Variants in FBRSL1 observed in about 807,000 individuals in gnomAD.
FBRSL1 encodes the protein fibrosin like 1.
In FBRSL1, 51 loss-of-function variants were observed where a neutral mutation model predicts 89.6. That is an observed-to-expected ratio of 0.57 (90% CI 0.45 to 0.72). FBRSL1 has a LOEUF of 0.72. Ranked by LOEUF, FBRSL1 falls within the 30% of genes least tolerant of loss-of-function variation. FBRSL1 has a pLI of 0.00. For missense variants in FBRSL1, 1,618 were observed against 1,451.8 expected, an observed-to-expected ratio of 1.11 and a Z score of -1.86; for synonymous variants, 779 against 681.1, an observed-to-expected ratio of 1.14 and a Z score of -2.24.
intron 2 of FBRSL1, among the ~76,000 whole-genome samples, chr12:132,514,366 A>T (rs1466160905): frequency 6.6e-6 from 1 of 152,156 alleles, no homozygotes; most frequent in Non-Finnish European, 1.5e-5. Context: ...CTGACCCAGG[A>T]TCTCTCTGGC....
intron 5 of FBRSL1, 87 bp from the exon 6 acceptor site, chr12:132,567,394 C>A: frequency 7.2e-7 from 1 of 1,392,984 alleles, no homozygotes; most frequent in Non-Finnish European, 9.9e-7. Context: ...TGGAAAACCA[C>A]CCAGACTTGT....
chr12:132,560,259 G>A (rs61952098), intron 5 of FBRSL1: 66,587 of 151,780 alleles, frequency 0.44, 15,979 homozygotes, highest in Middle Eastern at 0.56. Context: ...CTCCAGAGAG[G>A]GAATTGGGAC....
chr12:132,568,966 A>G (rs4883517), intron 6 of FBRSL1, among the ~76,000 whole-genome samples: 40,564 of 151,954 alleles, frequency 0.27, 5,895 homozygotes, highest in East Asian at 0.43. Context: ...AGCTGTCCCC[A>G]TGGGCCATGG....
rs114603879 is a variant in FBRSL1 at position 132,572,011 on chromosome 12, C to T, written c.1378-277C>T. On this transcript the variant is annotated intron_variant, in intron 9 of 18. Transcript: ENST00000680143. ...CGACCCAGCAGCCAGGGCTTCACGC[C>T]CCAGGCCTCAGCCAGGCACACAGAC... The T allele has an allele frequency of 7.6e-3, 4,088 of 539,186 alleles. 137 individuals carry two copies. Among genetic ancestry groups the T allele is most frequent in the African/African-American group, 0.068 (3,573 of 52,192 alleles). The allele number at this position is 539,186 out of a possible 1,614,324, so 33.4% of individuals were successfully genotyped here. A position where few individuals can be genotyped will look rare whatever the true frequency, so the allele number is the denominator to read the frequency against.
chr12:132,538,612 G>T (rs1431123350), intron 4 of FBRSL1, among the ~76,000 whole-genome samples: 2 of 152,200 alleles, frequency 1.3e-5, no homozygotes, highest in African/African-American at 2.4e-5. Flanking sequence ...AGCCCATGGG[G>T]CCTTGGCACT....
intron 3 of FBRSL1, among the ~76,000 whole-genome samples, chr12:132,526,244 G>A (rs1292066063): frequency 6.6e-6 from 1 of 152,240 alleles, no homozygotes; most frequent in Non-Finnish European, 1.5e-5. Flanking sequence ...ATGGGCACTG[G>A]CGGGGCAGTG....
In FBRSL1 at chr12:132,572,541, C is replaced by T; in HGVS notation, c.1449C>T (p.Phe483=). 1 of 1,551,266 alleles carries T rather than the reference C, an allele frequency of 6.4e-7. No homozygotes were observed. The highest frequency in any genetic ancestry group is 1.2e-5 in the South Asian group (1 of 84,064). ...TTCTCTTACAGTTCTTCCCGTCCTT[C>T]CCTCCTGCCATCCCGGGACTGCCCA... ...RHSSVSFFPS[F]PPAIPGLPTL... is the part of the protein sequence containing the mutation. Residue 483 remains phenylalanine, a synonymous_variant, in exon 11 of 19, where the codon TTC becomes TTT. Transcript: ENST00000680143.
At chr12:132,510,284 G>A (rs1593284067) in intron 2 of FBRSL1, 17 of 1,230,414 alleles carry the variant, frequency 1.4e-5, no homozygotes, top group Non-Finnish European at 1.5e-5. Flanking sequence ...TGGGGCTCCT[G>A]TGCCAGCCGC....
intron 1 of FBRSL1, among the ~76,000 whole-genome samples, chr12:132,497,195 C>T (rs1188881273): frequency 6.6e-6 from 1 of 152,224 alleles, no homozygotes; most frequent in Non-Finnish European, 1.5e-5. Flanking sequence ...GGACAGAATA[C>T]TCGGGTCCCA....
At chr12:132,503,602 G>A (rs957315214) in intron 1 of FBRSL1, among the ~76,000 whole-genome samples, 2 of 152,252 alleles carry the variant, frequency 1.3e-5, no homozygotes, top group Non-Finnish European at 2.9e-5. Flanking sequence ...GGCCATGGGT[G>A]GGCCTCCCTG....
At chr12:132,516,262 G>T (rs191942550) in intron 2 of FBRSL1, among the ~76,000 whole-genome samples, 3 of 151,008 alleles carry the variant, frequency 2.0e-5, no homozygotes, top group Non-Finnish European at 4.4e-5. Context: ...ACAATGTTGC[G>T]CAAGCTCTGC....
intron 9 of FBRSL1, 64 bp from the exon 10 acceptor site, chr12:132,572,224 G>A: frequency 6.7e-7 from 1 of 1,483,474 alleles, no homozygotes; most frequent in Non-Finnish European, 9.2e-7. Context: ...CAGGTGGGCG[G>A]GGCCCGGGGC....
Position 132,546,855 on chromosome 12 carries a change from C to T in FBRSL1, c.616-1148C>T, listed in dbSNP as rs2037730777. ...AGTGTCTGCTAAAGCGCATTTCACACCGTACTGTGAGCTCCGTCGCTGAAC... is the reference window on the plus strand; with the variant it reads ...AGTGTCTGCTAAAGCGCATTTCACATCGTACTGTGAGCTCCGTCGCTGAAC... On this transcript the variant is annotated intron_variant, in intron 4 of 18. Coordinates refer to ENST00000680143, the MANE Select transcript of FBRSL1 (RefSeq NM_001367871.1). The surrounding 1 kb of genome is among the most constrained non-coding windows in gnomAD (Gnocchi z 4.0). Among the ~76,000 whole-genome samples the T allele has an allele frequency of 6.6e-6, 1 of 152,226 alleles. No homozygotes were observed. Among genetic ancestry groups the T allele is most frequent in the African/African-American group, 2.4e-5 (1 of 41,460 alleles).
chr12:132,574,117 C>A lies in FBRSL1; in HGVS notation c.1558C>A (p.Arg520=). 1 of 1,358,284 alleles carries A rather than the reference C, an allele frequency of 7.4e-7. No homozygotes were observed. Among genetic ancestry groups the A allele is most frequent in the Non-Finnish European group, 9.4e-7 (1 of 1,060,788 alleles). The allele number at this position is 1,358,284 out of a possible 1,614,324, so 84.1% of individuals were successfully genotyped here. ...KTSSPIEVAR[R]AGAVHTLLQK... is the part of the protein sequence containing the mutation. ...TTCAAGCCCCATTGAGGTGGCCCGC[C>A]GGGCTGGTGCGGTTCACACACTCCT... The change falls in exon 12 of 19, where the codon CGG becomes AGG. Residue 520 remains arginine (R), a synonymous_variant. Coordinates refer to ENST00000680143, the MANE Select transcript of FBRSL1 (RefSeq NM_001367871.1).
In FBRSL1 at chr12:132,575,162, G is replaced by A. The variant is rs1468021691; in HGVS notation, c.1701+598G>A. 2.6e-5 allele frequency among the ~76,000 whole-genome samples: 4 copies of A among 152,134 alleles called. No individual in the cohort carries two copies. The East Asian group carries it at 5.8e-4, about 22-fold the overall frequency. ...TGTCCTGATGACGCACGTCACCTCC[G>A]CACACAACTCTGAAAAATCATTGTC... On this transcript the variant is annotated intron_variant, in intron 14 of 18. Transcript: ENST00000680143.
At chr12:132,510,545 C>G (rs1370968420) in intron 2 of FBRSL1, 1 of 1,231,160 alleles carries the variant, frequency 8.1e-7, no homozygotes, top group Non-Finnish European at 1.0e-6. Flanking sequence ...GCCCTTCGGG[C>G]TGGAGATGCT....
In FBRSL1 at chr12:132,580,905, A is replaced by C. The variant is rs572130559; in HGVS notation, c.1835-534A>C. On this transcript the variant is annotated intron_variant, in intron 15 of 18. Transcript: ENST00000680143. ...CCCAGGCCCCACACGGTTGCTCTCC[A>C]AGGGTTGTTGGGGGGCCAGGGCTGA... The C allele has an allele frequency of 6.9e-4, 683 of 985,330 alleles. 1 individual carries two copies. The highest frequency in any genetic ancestry group is 7.7e-4 in the Non-Finnish European group (640 of 829,886). The allele number at this position is 985,330 out of a possible 1,614,324, so 61.0% of individuals were successfully genotyped here.
Position 132,584,087 on chromosome 12 carries a change from A to G in FBRSL1, c.*309A>G, listed in dbSNP as rs956238987. The G allele has an allele frequency of 3.8e-5, 6 of 159,974 alleles. No individual in the cohort carries two copies. The highest frequency in any genetic ancestry group is 2.6e-4 in the Admixed American group (4 of 15,494). 9.9% of individuals were successfully genotyped at this position (159,974 alleles called of 1,614,324 possible). A position where few individuals can be genotyped will look rare whatever the true frequency, so the allele number is the denominator to read the frequency against. On this transcript the variant is annotated 3_prime_UTR_variant, in exon 19 of 19. Coordinates refer to ENST00000680143, the MANE Select transcript of FBRSL1 (RefSeq NM_001367871.1). Reference sequence around the variant, plus strand: ...TAGACGTTTAAAAGAACCAAAAAAGAAACTTTTGCTTCTTCGTTTTCGGTT... The same window carrying G: ...TAGACGTTTAAAAGAACCAAAAAAGGAACTTTTGCTTCTTCGTTTTCGGTT...
chr12:132,556,135 G>C (rs985146420), intron 5 of FBRSL1, among the ~76,000 whole-genome samples: 1 of 152,198 alleles, frequency 6.6e-6, no homozygotes, highest in Non-Finnish European at 1.5e-5. Flanking sequence ...GGGATGCTGA[G>C]CAGCATCTGA....
Sources: allele counts gnomAD v4.1 joint callset (sites outside exome capture counted in the v4.1 genomes callset), GRCh38; gene constraint gnomAD v4.1.1; non-coding constraint Gnocchi (gnomAD v3.1); transcripts MANE v1.5; gene names NCBI Gene and HGNC (gene_info 2026-07-23, HGNC 2026-07-21).